G3BP2: variants seen among roughly 807,000 people sequenced by gnomAD.
G3BP2 encodes G3BP stress granule assembly factor 2.
In G3BP2, 11 loss-of-function variants were observed where a neutral mutation model predicts 56.7. The ratio of observed to expected loss-of-function variants is 0.19; its 90% CI spans 0.12 to 0.32. The LOEUF (loss-of-function observed/expected upper bound fraction) is 0.32, where lower values mean the gene tolerates loss of function less well. Ranked by LOEUF, G3BP2 falls within the 10% of genes least tolerant of loss-of-function variation. The pLI is 1.00. For synonymous variants in G3BP2, 165 were observed against 191.6 expected (o/e 0.86, Z 1.15); for missense variants, 340 against 610.9 (o/e 0.56, Z 4.67).
chr4:75,661,382 G>C (rs572009483), intron 2 of G3BP2: 1 of 152,106 alleles, frequency 6.6e-6, no homozygotes, highest in South Asian at 2.1e-4. Flanking sequence ...ACCTGCCTCA[G>C]CCTCCCAAAG....
At chr4:75,664,800 G>A (rs1450775554) in intron 1 of G3BP2, among the ~76,000 whole-genome samples, 4 of 152,126 alleles carry the variant, frequency 2.6e-5, no homozygotes, top group East Asian at 1.9e-4. Flanking sequence ...AGTGAGCCGC[G>A]ATCACACCAC....
chr4:75,706,678 A>AG (rs1719559401), intron 3 of G3BP2, among the ~76,000 whole-genome samples: 1 of 27,766 alleles, frequency 3.6e-5, no homozygotes. Flanking sequence ...ACTCTATCTC[A>AG]AAAAAAAAAA....
chr4:75,657,879 G>A (rs529549602), intron 3 of G3BP2, 149 bp from the exon 4 acceptor site: 9 of 554,428 alleles, frequency 1.6e-5, no homozygotes, highest in Non-Finnish European at 2.2e-5. Context: ...GTGCATCACT[G>A]CCAGAATGAT....
chr4:75,720,195 C>G (rs2149122893), intron 3 of G3BP2, among the ~76,000 whole-genome samples: 1 of 151,968 alleles, frequency 6.6e-6, no homozygotes, highest in Non-Finnish European at 1.5e-5. Context: ...CTCTCCTCTC[C>G]CAAGGATTTC....
At chr4:75,656,872 TAA>T (rs1465643968) in intron 5 of G3BP2, 50 bp downstream of exon 5, 8 of 823,764 alleles carry the variant, frequency 9.7e-6, no homozygotes, top group Non-Finnish European at 1.4e-5. Context: ...AATTAGTCCA[TAA>T]AGAGTACCAA....
intron 7 of G3BP2, 144 bp downstream of exon 7, chr4:75,654,922 G>T (rs915441757): frequency 1.6e-6 from 1 of 620,254 alleles, no homozygotes; most frequent in Non-Finnish European, 2.8e-6. Flanking sequence ...ATTTTCTCAG[G>T]TAACAAACAA....
upstream of G3BP2, among the ~76,000 whole-genome samples, chr4:75,674,708 A>G (rs1733772967): frequency 1.1e-4 from 5 of 44,248 alleles, 1 homozygote; most frequent in South Asian, 3.2e-3. Context: ...ATATATATAT[A>G]TATATATATA....
At chr4:75,666,370 T>A (rs1002821136) in intron 1 of G3BP2, among the ~76,000 whole-genome samples, 1 of 152,228 alleles carries the variant, frequency 6.6e-6, no homozygotes, top group Non-Finnish European at 1.5e-5. Context: ...TAAACAGGCA[T>A]ATAACAGGTT....
chr4:75,682,244 G>A (rs13134512), intron 3 of G3BP2, among the ~76,000 whole-genome samples: 45,956 of 151,788 alleles, frequency 0.3, 8,561 homozygotes, highest in East Asian at 0.77. Context: ...GTGAAACCCC[G>A]TCTCTACTAA....
intron 2 of G3BP2, among the ~76,000 whole-genome samples, chr4:75,720,973 CAAAAAAAAA>C (rs143804378): frequency 3.6e-4 from 25 of 69,572 alleles, no homozygotes; most frequent in African/African-American, 9.9e-4. Flanking sequence ...TTCATCTCTA[CAAAAAAAAA>C]AAAAAAAAAA....
intron 3 of G3BP2, among the ~76,000 whole-genome samples, chr4:75,705,315 AG>A (rs891089006): frequency 1.3e-5 from 2 of 152,252 alleles, no homozygotes; most frequent in African/African-American, 4.8e-5. Flanking sequence ...GCTACCTGGG[AG>A]GTACAGGCCC....
Position 75,647,075 on chromosome 4 carries a change from G to A in G3BP2, c.1011C>T (p.Asn337=). 2 of 1,600,154 alleles carry A rather than the reference G, an allele frequency of 1.2e-6. No homozygotes were observed. The highest frequency in any genetic ancestry group is 1.7e-6 in the Non-Finnish European group (2 of 1,168,592). Reference sequence around the variant, plus strand: ...CATTTTCATCAATATCATGTGGCAAGTTACCAACAAAAAGTTGATGACTAT... The same window carrying A: ...CATTTTCATCAATATCATGTGGCAAATTACCAACAAAAAGTTGATGACTAT... The part of the protein sequence containing the change: ...YPDSHQLFVG[N]LPHDIDENEL... Residue 337 remains asparagine, a synonymous_variant, in exon 10 of 12, where the codon AAC becomes AAT. Coordinates refer to ENST00000359707, the MANE Select transcript of G3BP2 (RefSeq NM_203505.3).
intron 3 of G3BP2, among the ~76,000 whole-genome samples, chr4:75,707,253 A>G (rs925950314): frequency 6.6e-6 from 1 of 151,998 alleles, no homozygotes. Context: ...GTGACCCTCC[A>G]GCCCTCAAAT....
chr4:75,715,966 C>A (rs545447833), intron 3 of G3BP2, among the ~76,000 whole-genome samples: 7 of 152,194 alleles, frequency 4.6e-5, no homozygotes, highest in Non-Finnish European at 8.8e-5. Flanking sequence ...AGGAGACCGG[C>A]TGCTGCAATA....
chr4:75,719,131 G>A lies in G3BP2; in HGVS notation c.-25+1746C>T, dbSNP rs570415532. Among the ~76,000 whole-genome samples the A allele has an allele frequency of 2.2e-3, 341 of 151,900 alleles. 3 individuals are homozygous for A. Among genetic ancestry groups the A allele is most frequent in the East Asian group, 4.6e-3 (24 of 5,168 alleles). On this transcript the variant is annotated intron_variant, in intron 3 of 3. Transcript: ENST00000499709. The stretch of plus-strand genomic sequence containing the variant: ...TGGGAGGCCGAGGCGGGCGGATCAC[G>A]AGGTCAGGAGATCGAGACCATCCCG...
intron 1 of G3BP2, 25 bp downstream of exon 1, chr4:75,673,183 C>A: frequency 8.4e-7 from 1 of 1,190,422 alleles, no homozygotes; most frequent in African/African-American, 1.6e-5. Flanking sequence ...CCACACCGAC[C>A]TCCCCTCCCG....
In G3BP2 at chr4:75,643,207, C is replaced by T. The variant is rs1730970013; in HGVS notation, c.*2223G>A. 6.6e-6 allele frequency: 1 copy of T among 150,818 alleles called. No homozygotes were observed. 9.3% of individuals were successfully genotyped at this position (150,818 alleles called of 1,614,324 possible). A position where few individuals can be genotyped will look rare whatever the true frequency, so the allele number is the denominator to read the frequency against. ...TGAAGCTGAATGGCTCTTTGCTCTA[C>T]TTTTCTATTATTACACTTAACATTT... On this transcript the variant is annotated 3_prime_UTR_variant, in exon 12 of 12. Coordinates refer to ENST00000359707, the MANE Select transcript of G3BP2 (RefSeq NM_203505.3).
chr4:75,719,120 G>A (rs1339865687), intron 3 of G3BP2, among the ~76,000 whole-genome samples: 3 of 151,864 alleles, frequency 2.0e-5, no homozygotes, highest in South Asian at 2.1e-4. Context: ...AGGCCGAGGC[G>A]GGCGGATCAC....
intron 3 of G3BP2, among the ~76,000 whole-genome samples, chr4:75,708,030 AGT>A (rs910065807): frequency 6.6e-6 from 1 of 152,172 alleles, no homozygotes; most frequent in Non-Finnish European, 1.5e-5. Flanking sequence ...GCATCGACAA[AGT>A]GTTACTTACT....
Sources: allele counts gnomAD v4.1 joint callset (sites outside exome capture counted in the v4.1 genomes callset), GRCh38; gene constraint gnomAD v4.1.1; transcripts MANE v1.5; gene names NCBI Gene and HGNC (gene_info 2026-07-23, HGNC 2026-07-21).